Variants in TMEFF1 observed in about 807,000 individuals in gnomAD.
The protein encoded by TMEFF1 is transmembrane protein with EGF like and two follistatin like domains 1.
In TMEFF1, 20 loss-of-function variants were observed where a neutral mutation model predicts 47.5. The observed-to-expected ratio is 0.42, with a 90% CI of 0.30 to 0.61. TMEFF1 has a LOEUF of 0.61. Ranked by LOEUF, TMEFF1 falls within the 20% of genes least tolerant of loss-of-function variation. TMEFF1 has a pLI of 0.19. For synonymous variants in TMEFF1, 162 were observed against 166.3 expected, an observed-to-expected ratio of 0.97 and a Z score of 0.20; for missense variants, 411 against 471.1, an observed-to-expected ratio of 0.87 and a Z score of 1.18.
chr9:100,532,178 T>C (rs1329508143), intron 5 of TMEFF1, among the ~76,000 whole-genome samples: 2 of 151,846 alleles, frequency 1.3e-5, no homozygotes, highest in African/African-American at 2.4e-5. Flanking sequence ...GACATAGGCA[T>C]GGGCAAGGAC....
intron 8 of TMEFF1, among the ~76,000 whole-genome samples, chr9:100,567,644 G>T (rs1236163932): frequency 6.6e-6 from 1 of 152,166 alleles, no homozygotes; most frequent in Non-Finnish European, 1.5e-5. Context: ...GAGTGAATGG[G>T]ATTGCCTGTG....
intron 5 of TMEFF1, among the ~76,000 whole-genome samples, chr9:100,537,305 A>G (rs1051365016): frequency 9.2e-5 from 14 of 152,182 alleles, no homozygotes; most frequent in South Asian, 2.1e-4. Flanking sequence ...GAGATACTGA[A>G]TTTGGAGGGT....
At chr9:100,564,340 G>T (rs1350425155) in intron 8 of TMEFF1, among the ~76,000 whole-genome samples, 3 of 152,214 alleles carry the variant, frequency 2.0e-5, no homozygotes, top group Non-Finnish European at 4.4e-5. Flanking sequence ...CTCCCAAAGT[G>T]CTGGGATTAC....
chr9:100,538,748 A>T (rs1838567079), intron 5 of TMEFF1, among the ~76,000 whole-genome samples: 1 of 152,184 alleles, frequency 6.6e-6, no homozygotes. Context: ...AGCTGTAGTT[A>T]ATTCAGTTTT....
Position 100,523,907 on chromosome 9 carries a change from A to G in TMEFF1, c.560+7136A>G, listed in dbSNP as rs115723600. 6.8e-3 allele frequency among the ~76,000 whole-genome samples: 1,036 copies of G among 152,276 alleles called. 10 individuals carry two copies. Among genetic ancestry groups the G allele is most frequent in the African/African-American group, 0.023 (965 of 41,552 alleles). On this transcript the variant is annotated intron_variant, in intron 5 of 9. Coordinates refer to ENST00000374879, the MANE Select transcript of TMEFF1 (RefSeq NM_003692.5). Reference sequence around the variant, plus strand: ...TGATTTGCCAAAATTATAGTGCTAAATCATAGAAGGTATTGAATTTATGCA... The same window carrying G: ...TGATTTGCCAAAATTATAGTGCTAAGTCATAGAAGGTATTGAATTTATGCA...
chr9:100,508,884 AAAC>A, intron 2 of TMEFF1, 118 bp from the exon 3 acceptor site: 3 of 1,233,188 alleles, frequency 2.4e-6, no homozygotes, highest in East Asian at 3.0e-5. Context: ...AAAAAAAAAA[AAAC>A]CCCAGACTAT....
chr9:100,513,861 C>CCAA (rs1838012944), intron 4 of TMEFF1, among the ~76,000 whole-genome samples: 1 of 152,084 alleles, frequency 6.6e-6, no homozygotes, highest in Non-Finnish European at 1.5e-5. Flanking sequence ...GAAGACTTGC[C>CCAA]CAACAACTCT....
chr9:100,542,926 T>C (rs1250068061), intron 5 of TMEFF1, among the ~76,000 whole-genome samples: 116 of 119,578 alleles, frequency 9.7e-4, no homozygotes, highest in African/African-American at 2.9e-3. Context: ...TCTCTCTCTT[T>C]TTTTTTTTTT....
intron 2 of TMEFF1, among the ~76,000 whole-genome samples, chr9:100,506,993 T>G (rs1837875450): frequency 6.6e-6 from 1 of 152,120 alleles, no homozygotes; most frequent in Non-Finnish European, 1.5e-5. Context: ...TAGTACCTAA[T>G]AGGTAGTTTT....
intron 8 of TMEFF1, among the ~76,000 whole-genome samples, chr9:100,567,191 G>A (rs1340556172): frequency 6.6e-6 from 1 of 152,074 alleles, no homozygotes; most frequent in African/African-American, 2.4e-5. Flanking sequence ...CTGTTCTTGG[G>A]CATGCCATGC....
chr9:100,513,092 A>T (rs1466227774), intron 3 of TMEFF1, among the ~76,000 whole-genome samples: 1 of 152,148 alleles, frequency 6.6e-6, no homozygotes, highest in Non-Finnish European at 1.5e-5. Context: ...GGATACAAAG[A>T]TGTATGAAAT....
chr9:100,533,326 C>T (rs1039081535), intron 5 of TMEFF1, among the ~76,000 whole-genome samples: 5 of 151,934 alleles, frequency 3.3e-5, no homozygotes, highest in African/African-American at 1.2e-4. Context: ...TTAGTGTACC[C>T]TTAAGGTTCT....
intron 2 of TMEFF1, among the ~76,000 whole-genome samples, chr9:100,506,681 G>A (rs1837869018): frequency 6.6e-6 from 1 of 150,662 alleles, no homozygotes; most frequent in Non-Finnish European, 1.5e-5. Flanking sequence ...GCAGGAGAAT[G>A]GCATGAACCC....
chr9:100,475,826 C>T (rs904533935), intron 1 of TMEFF1, among the ~76,000 whole-genome samples: 4 of 149,208 alleles, frequency 2.7e-5, no homozygotes, highest in Non-Finnish European at 5.9e-5. Context: ...GTCCCAGGGC[C>T]GGAGAAGTGA....
In TMEFF1 at chr9:100,473,498, C is replaced by G; in HGVS notation, c.-47C>G. The G allele has an allele frequency of 7.5e-7, 1 of 1,325,506 alleles. No homozygotes were observed. Among genetic ancestry groups the G allele is most frequent in the South Asian group, 2.0e-5 (1 of 50,054 alleles). The allele number at this position is 1,325,506 out of a possible 1,614,324, so 82.1% of individuals were successfully genotyped here. A position where few individuals can be genotyped will look rare whatever the true frequency, so the allele number is the denominator to read the frequency against. On this transcript the variant is annotated 5_prime_UTR_variant, in exon 1 of 10. Transcript: ENST00000374879. This position sits in a 1 kb window ranked among gnomAD's most constrained non-coding sequence, Gnocchi z 5.4. ...GGCTCTGGGCGCGCGGCTGGATGCC[C>G]CCGGCCTGCGGCTCCCTGCGCTTCC... is the stretch of plus-strand genomic sequence containing the variant.
intron 1 of TMEFF1, among the ~76,000 whole-genome samples, chr9:100,497,250 A>G (rs1837666692): frequency 6.7e-6 from 1 of 149,192 alleles, no homozygotes; most frequent in Non-Finnish European, 1.5e-5. Context: ...TACCTGGAAT[A>G]GTTTGTGAAA....
chr9:100,484,150 T>TTA (rs3055676), intron 1 of TMEFF1, among the ~76,000 whole-genome samples: 17,928 of 152,110 alleles, frequency 0.12, 1,181 homozygotes, highest in Middle Eastern at 0.18. Context: ...CCCAATAGAG[T>TTA]TATAGATCAT....
At chr9:100,492,682 G>A (rs1468730353) in intron 1 of TMEFF1, among the ~76,000 whole-genome samples, 2 of 152,124 alleles carry the variant, frequency 1.3e-5, no homozygotes, top group East Asian at 1.9e-4. Context: ...AAAATTGGGG[G>A]GATAATGAAG....
At chr9:100,480,336 G>A (rs553122807) in intron 1 of TMEFF1, among the ~76,000 whole-genome samples, 5 of 152,284 alleles carry the variant, frequency 3.3e-5, no homozygotes, top group South Asian at 2.1e-4. Context: ...CTAAGCAAGA[G>A]TCAGTTGTAT....
Sources: allele counts gnomAD v4.1 joint callset (sites outside exome capture counted in the v4.1 genomes callset), GRCh38; gene constraint gnomAD v4.1.1; non-coding constraint Gnocchi (gnomAD v3.1); transcripts MANE v1.5; gene names NCBI Gene and HGNC (gene_info 2026-07-23, HGNC 2026-07-21).